PDE11A: variants seen among roughly 807,000 people sequenced by gnomAD.
The protein encoded by PDE11A is dual 3',5'-cyclic-AMP and -GMP phosphodiesterase 11A.
In PDE11A, 100 loss-of-function variants were observed where a neutral mutation model predicts 100.5. That is an observed-to-expected ratio of 1.00 (90% CI 0.85 to 1.18). The LOEUF (loss-of-function observed/expected upper bound fraction) is 1.18. Ranked by LOEUF, PDE11A falls within the 50% of genes most tolerant of loss-of-function variation. The pLI is 0.00. For missense variants in PDE11A, 1,141 were observed against 1,152.6 expected (o/e 0.99, Z 0.15); for synonymous variants, 381 against 420.8 (o/e 0.91, Z 1.16).
intron 5 of PDE11A, among the ~76,000 whole-genome samples, chr2:177,875,378 T>TATTTA (rs1334228255): frequency 2.0e-5 from 3 of 151,972 alleles, no homozygotes; most frequent in Non-Finnish European, 4.4e-5. Context: ...TATTTATTTA[T>TATTTA]TTTTATTTTA....
intron 5 of PDE11A, among the ~76,000 whole-genome samples, chr2:177,853,826 GTGTGTATATATATCTATATA>G (rs1385477696): frequency 3.0e-4 from 42 of 140,796 alleles, no homozygotes; most frequent in South Asian, 4.5e-4. Flanking sequence ...GTATATATAT[GTGTGTATATATATCTATATA>G]TGTGTATATA....
chr2:177,891,143 G>C (rs911004078), intron 4 of PDE11A, among the ~76,000 whole-genome samples: 5 of 152,186 alleles, frequency 3.3e-5, no homozygotes, highest in Middle Eastern at 3.4e-3. Flanking sequence ...GGGTGCAAAG[G>C]TTACCCCTTT....
At chr2:177,947,347 T>C (rs1487009774) in intron 2 of PDE11A, among the ~76,000 whole-genome samples, 1 of 150,466 alleles carries the variant, frequency 6.6e-6, no homozygotes, top group Non-Finnish European at 1.5e-5. Flanking sequence ...GGGCAAAAGA[T>C]TGAGAAATCG....
chr2:177,888,597 T>TTAAAATAAATTTGACACAA, intron 4 of PDE11A: 1 of 371,448 alleles, frequency 2.7e-6, no homozygotes, highest in South Asian at 1.1e-4. Flanking sequence ...CACATTAAAA[T>TTAAAATAAATTTGACACAA]TAAAATATTC....
intron 7 of PDE11A, among the ~76,000 whole-genome samples, chr2:177,819,871 TC>T (rs2083107608): frequency 1.5e-5 from 2 of 135,740 alleles, no homozygotes; most frequent in Admixed American, 7.7e-5. Context: ...TCTCTCTTTC[TC>T]TCTCTCTCTC....
intron 12 of PDE11A, among the ~76,000 whole-genome samples, chr2:177,719,416 C>T (rs1419211324): frequency 6.6e-6 from 1 of 152,166 alleles, no homozygotes; most frequent in African/African-American, 2.4e-5. Flanking sequence ...CCAGGCACTG[C>T]AGCAGAGCCC....
At chr2:178,012,826 G>GT (rs1309070586) in intron 2 of PDE11A, among the ~76,000 whole-genome samples, 1 of 152,176 alleles carries the variant, frequency 6.6e-6, no homozygotes, top group Admixed American at 6.5e-5. Context: ...ACTGTTAGGG[G>GT]TATGGTATGG....
intron 2 of PDE11A, among the ~76,000 whole-genome samples, chr2:177,987,046 C>T (rs901765348): frequency 2.6e-5 from 4 of 152,138 alleles, no homozygotes; most frequent in African/African-American, 9.7e-5. Flanking sequence ...TTTTCACAAA[C>T]AGAAATAGAT....
chr2:177,767,506 T>C (rs1437613155), intron 10 of PDE11A, among the ~76,000 whole-genome samples: 1 of 152,142 alleles, frequency 6.6e-6, no homozygotes, highest in East Asian at 1.9e-4. Context: ...AAAAATATAA[T>C]ATAAACATTA....
intron 9 of PDE11A, among the ~76,000 whole-genome samples, chr2:177,784,012 T>C (rs1032476927): frequency 6.6e-6 from 1 of 152,018 alleles, no homozygotes; most frequent in Non-Finnish European, 1.5e-5. Context: ...AATCATTAGA[T>C]AAGGTAGTGA....
chr2:178,075,917 A>C (rs928489663), upstream of PDE11A, among the ~76,000 whole-genome samples: 2 of 152,230 alleles, frequency 1.3e-5, no homozygotes, highest in Non-Finnish European at 2.9e-5. Context: ...ATTTCCCTTT[A>C]GGAAATATAG....
chr2:177,997,545 C>A (rs2086091001), intron 2 of PDE11A: 1 of 838,702 alleles, frequency 1.2e-6, no homozygotes, highest in African/African-American at 1.7e-5. Context: ...ATTTTGTTCT[C>A]TTCTGTTTTC....
rs150098753 is a variant in PDE11A, at chr2:177,881,889, T to A, written c.1303-5966A>T. Among the ~76,000 whole-genome samples, 142 of 152,286 alleles carry A rather than the reference T, an allele frequency of 9.3e-4. 1 individual carries two copies. Among genetic ancestry groups the A allele is most frequent in the African/African-American group, 3.2e-3 (133 of 41,566 alleles). ...TGCCAACTTCTCTGGTGTAGAGCCA[T>A]TTCTAGGCCAGATCAGTTATTTTTG... On this transcript the variant is annotated intron_variant, in intron 4 of 19. Coordinates refer to ENST00000286063, the MANE Select transcript of PDE11A (RefSeq NM_016953.4).
At chr2:177,886,444 A>C (rs543723340) in intron 4 of PDE11A, among the ~76,000 whole-genome samples, 1 of 152,358 alleles carries the variant, frequency 6.6e-6, no homozygotes, top group East Asian at 1.9e-4. Context: ...CCTAGCTTAA[A>C]GACCACAAAT....
rs553368568 is a variant in PDE11A at position 177,810,660 on chromosome 2, A to G, written c.1737+6169T>C. ...ACTCTTGAGAAGAGAAATGAGAGCC[A>G]GGGGTAGGAAAGTTTGGTATGAGAT... On this transcript the variant is annotated intron_variant, in intron 9 of 19. Transcript: ENST00000286063. Among the ~76,000 whole-genome samples, 4 of 120,986 alleles carry G rather than the reference A, an allele frequency of 3.3e-5. No individual in the cohort carries two copies. The South Asian group carries it at 9.7e-4, about 29-fold the overall frequency. The allele number at this position is 120,986 out of a possible 152,430, so 79.4% of individuals were successfully genotyped here. A position where few individuals can be genotyped will look rare whatever the true frequency, so the allele number is the denominator to read the frequency against.
intron 10 of PDE11A, among the ~76,000 whole-genome samples, chr2:177,746,111 A>G (rs2081944301): frequency 6.6e-6 from 1 of 152,234 alleles, no homozygotes; most frequent in South Asian, 2.1e-4. Context: ...CTGCTGGGGT[A>G]GACAGAAGAC....
At position 178,072,170 on chromosome 2, in the gene PDE11A, C is replaced by T. The variant is rs371967604; in HGVS notation, c.268G>A (p.Gly90Ser). 1 of 1,614,062 alleles carries T rather than the reference C, an allele frequency of 6.2e-7. No individual in the cohort carries two copies. The highest frequency in any genetic ancestry group is 1.3e-5 in the African/African-American group (1 of 75,056). ...AAGGGAACCCCACCACAGTCCCCGC[C>T]ACCGGGAAGGGGCTGGCTGTGGGCA... is the stretch of plus-strand genomic sequence containing the variant. ...GSAHSQPLPGGGDCGGVPLSP... is the reference protein window; with the variant it reads ...GSAHSQPLPGSGDCGGVPLSP... The change falls in exon 1 of 20, where the codon GGC becomes AGC. Residue 90 changes from glycine to serine, a missense_variant. Physicochemically the swap from Gly to Ser is moderately conservative, Grantham distance 56. Transcript: ENST00000286063.
At position 177,749,493 on chromosome 2, in the gene PDE11A, CAA is replaced by C. The variant is rs528792975; in HGVS notation, c.1788+19828_1788+19829del. Among the ~76,000 whole-genome samples, 26 of 151,978 alleles carry C rather than the reference CAA, an allele frequency of 1.7e-4. 1 individual carries two copies. In the South Asian group the frequency reaches 5.2e-3, roughly 30 times the overall value. On this transcript the variant is annotated intron_variant, in intron 10 of 19. Transcript: ENST00000286063. ...ATATTTCAGTCAGGTTAAGTATGTCCAAAGTTATTCTTTCCTTTCTGGGTAGT... is the reference window on the plus strand; with the variant it reads ...ATATTTCAGTCAGGTTAAGTATGTCCAGTTATTCTTTCCTTTCTGGGTAGT...
At chr2:177,845,630 G>A (rs1266885982) in intron 5 of PDE11A, among the ~76,000 whole-genome samples, 1 of 152,040 alleles carries the variant, frequency 6.6e-6, no homozygotes, top group Admixed American at 6.5e-5. Flanking sequence ...AGACGGGGTG[G>A]CGGCCGGGCA....
Sources: allele counts gnomAD v4.1 joint callset (sites outside exome capture counted in the v4.1 genomes callset), GRCh38; gene constraint gnomAD v4.1.1; transcripts MANE v1.5; gene names NCBI Gene and HGNC (gene_info 2026-07-23, HGNC 2026-07-21).